PLA2G12A: variants seen among roughly 807,000 people sequenced by gnomAD.
The protein encoded by PLA2G12A is group XIIA secretory phospholipase A2.
Under a neutral mutation model 16.0 loss-of-function variants are expected in PLA2G12A, and 11 were observed. The observed-to-expected ratio is 0.69, with a 90% confidence interval of 0.43 to 1.13. PLA2G12A has a LOEUF of 1.13. PLA2G12A is among the 50% of genes most tolerant of loss of function. The pLI, the probability that PLA2G12A is intolerant of heterozygous loss-of-function variation, is 0.00. For missense variants in PLA2G12A, 214 were observed against 237.3 expected (o/e 0.90, Z 0.65); for synonymous variants, 77 against 93.8 (o/e 0.82, Z 1.03).
chr4:109,718,675 A>G lies in PLA2G12A; in HGVS notation c.285+8T>C, dbSNP rs1357511537. On this transcript the variant is annotated splice_region_variant and intron_variant, in intron 2 of 3. Transcript: ENST00000243501. ...TACAAAACTTATCAAATAAAAGACAATATTTACATGAACACCAAACAGTGG... is the reference window on the plus strand; with the variant it reads ...TACAAAACTTATCAAATAAAAGACAGTATTTACATGAACACCAAACAGTGG... 1.9e-6 allele frequency: 3 copies of G among 1,573,368 alleles called. No homozygotes were observed. The highest frequency in any genetic ancestry group is 2.6e-6 in the Non-Finnish European group (3 of 1,150,612).
chr4:109,723,884 T>C (rs72674863), intron 1 of PLA2G12A, among the ~76,000 whole-genome samples: 78 of 152,334 alleles, frequency 5.1e-4, no homozygotes, highest in Non-Finnish European at 8.4e-4. Flanking sequence ...AAGTATATCA[T>C]CTAAAAAAGT....
In PLA2G12A at chr4:109,717,533, C is replaced by T. The variant is rs766527670; in HGVS notation, c.451+15G>A. On this transcript the variant is annotated intron_variant, in intron 3 of 3. Transcript: ENST00000243501. ...AAAAAGTACACTCATCCCCAAGCCA[C>T]CAGATCATCCTTACCCTGAACATGC... The T allele has an allele frequency of 1.9e-6, 3 of 1,609,880 alleles. No individual in the cohort carries two copies. The highest frequency in any genetic ancestry group is 2.5e-6 in the Non-Finnish European group (3 of 1,176,784).
intron 1 of PLA2G12A, among the ~76,000 whole-genome samples, chr4:109,720,618 T>A (rs1378201908): frequency 5.3e-5 from 5 of 95,156 alleles, no homozygotes; most frequent in African/African-American, 2.4e-4. Flanking sequence ...TATATATATA[T>A]ATATATATAT....
chr4:109,726,193 C>T (rs2126168820), intron 1 of PLA2G12A, among the ~76,000 whole-genome samples: 1 of 152,292 alleles, frequency 6.6e-6, no homozygotes, highest in Non-Finnish European at 1.5e-5. Context: ...CTCACTTACC[C>T]AAGGCTATGA....
In PLA2G12A at chr4:109,720,614, T is replaced by C. The variant is rs1267700892; in HGVS notation, c.209-1855A>G. Among the ~76,000 whole-genome samples, 94 of 38,674 alleles carry C rather than the reference T, an allele frequency of 2.4e-3. 1 individual carries two copies. The highest frequency in any genetic ancestry group is 2.9e-3 in the Admixed American group (9 of 3,092). The allele number at this position is 38,674 out of a possible 152,430, so 25.4% of individuals were successfully genotyped here. A position where few individuals can be genotyped will look rare whatever the true frequency, so the allele number is the denominator to read the frequency against. ...AAAAAAAAAAAAAAAAATATATATA[T>C]ATATATATATATATATATATATATA... On this transcript the variant is annotated intron_variant, in intron 1 of 3. Transcript: ENST00000243501.
At chr4:109,716,808 CA>C (rs1424483859) in intron 3 of PLA2G12A, among the ~76,000 whole-genome samples, 1 of 152,118 alleles carries the variant, frequency 6.6e-6, no homozygotes, top group East Asian at 1.9e-4. Context: ...AACAGAAACC[CA>C]TAAGACAAGT....
chr4:109,725,949 T>A (rs768120676), intron 1 of PLA2G12A, among the ~76,000 whole-genome samples: 1 of 152,202 alleles, frequency 6.6e-6, no homozygotes, highest in Non-Finnish European at 1.5e-5. Flanking sequence ...ATTTTTCTAG[T>A]CTGTTCACTT....
chr4:109,729,621 G>A lies in PLA2G12A; in HGVS notation c.189C>T (p.Cys63=). ...CCTCACCGTCACTGCATTTATACTG[G>A]CAGAGACCGTCCTCGCCTCCCAGGA... The part of the protein sequence containing the change: ...LDLLGGEDGL[C]QYKCSDGSKP... The change falls in exon 1 of 4, where the codon TGC becomes TGT. Residue 63 remains cysteine, a synonymous_variant. Coordinates refer to ENST00000243501, the MANE Select transcript of PLA2G12A (RefSeq NM_030821.5). 1.2e-6 allele frequency: 2 copies of A among 1,611,760 alleles called. No individual in the cohort carries two copies. The highest frequency in any genetic ancestry group is 8.5e-7 in the Non-Finnish European group (1 of 1,179,680).
At chr4:109,720,165 T>C (rs1032401963) in intron 1 of PLA2G12A, among the ~76,000 whole-genome samples, 3 of 152,170 alleles carry the variant, frequency 2.0e-5, no homozygotes, top group Non-Finnish European at 2.9e-5. Flanking sequence ...ATAAGCCAAC[T>C]CCCTATTTTA....
chr4:109,710,626 C>A lies in PLA2G12A; in HGVS notation c.*3751G>T, dbSNP rs978801377. On this transcript the variant is annotated 3_prime_UTR_variant, in exon 4 of 4. Coordinates refer to ENST00000243501, the MANE Select transcript of PLA2G12A (RefSeq NM_030821.5). ...GATTACAGGCATGTGCCACCACACC[C>A]AACTAATTTTTGTATTTTTAGTAGA... 1 of 152,246 alleles carries A rather than the reference C, an allele frequency of 6.6e-6. No individual in the cohort carries two copies. The highest frequency in any genetic ancestry group is 1.9e-4 in the East Asian group (1 of 5,196). The allele number at this position is 152,246 out of a possible 1,614,324, so 9.4% of individuals were successfully genotyped here.
At chr4:109,719,408 TTGA>T (rs2126167105) in intron 1 of PLA2G12A, among the ~76,000 whole-genome samples, 1 of 152,040 alleles carries the variant, frequency 6.6e-6, no homozygotes, top group Admixed American at 6.5e-5. Context: ...GGAGGGATAC[TTGA>T]TGAACTACGG....
rs146008894 is a variant in PLA2G12A, at chr4:109,725,846, C to T, written c.208+3756G>A. On this transcript the variant is annotated intron_variant, in intron 1 of 3. Transcript: ENST00000243501. ...GCTGGGTCACACAAAGGTCTCATGG[C>T]AGAGTTTTGTAAGATTCCAACCTGC... 4.1e-3 allele frequency among the ~76,000 whole-genome samples: 628 copies of T among 152,288 alleles called. 4 individuals carry two copies. Among genetic ancestry groups the T allele is most frequent in the African/African-American group, 0.014 (597 of 41,564 alleles).
At position 109,729,276 on chromosome 4, in the gene PLA2G12A, A is replaced by G. The variant is rs531097376; in HGVS notation, c.208+326T>C. 3.5e-4 allele frequency among the ~76,000 whole-genome samples: 53 copies of G among 151,798 alleles called. 2 individuals are homozygous for G. The South Asian group carries it at 0.011, about 31-fold the overall frequency. On this transcript the variant is annotated intron_variant, in intron 1 of 3. Coordinates refer to ENST00000243501, the MANE Select transcript of PLA2G12A (RefSeq NM_030821.5). Reference sequence around the variant, plus strand: ...AGCTAAAACCAGTCTGTTCCACTCTATTCCCATGATTCCTACGTCAGTAAG... The same window carrying G: ...AGCTAAAACCAGTCTGTTCCACTCTGTTCCCATGATTCCTACGTCAGTAAG...
rs1308008051 is a variant in PLA2G12A, at chr4:109,723,771, CAATA to C, written c.209-5016_209-5013del. Among the ~76,000 whole-genome samples the C allele has an allele frequency of 9.1e-4, 139 of 152,062 alleles. 1 individual carries two copies. The highest frequency in any genetic ancestry group is 6.2e-4 in the South Asian group (3 of 4,822). ...TCAAGTTGTTAATCTGAAAAAAGTA[CAATA>C]AATACACCAGAGAATGTTCAAAAAG... On this transcript the variant is annotated intron_variant, in intron 1 of 3. Coordinates refer to ENST00000243501, the MANE Select transcript of PLA2G12A (RefSeq NM_030821.5).
At chr4:109,727,825 A>G (rs1722972016) in intron 1 of PLA2G12A, among the ~76,000 whole-genome samples, 1 of 152,208 alleles carries the variant, frequency 6.6e-6, no homozygotes, top group African/African-American at 2.4e-5. Flanking sequence ...AAATAAAATA[A>G]AAAGACTAAA....
chr4:109,717,269 C>T (rs1185049093), intron 3 of PLA2G12A, among the ~76,000 whole-genome samples: 2 of 152,184 alleles, frequency 1.3e-5, no homozygotes, highest in African/African-American at 4.8e-5. Flanking sequence ...TACATGATGA[C>T]TGGAGATATA....
chr4:109,714,512 T>C lies in PLA2G12A; in HGVS notation c.452-17A>G, dbSNP rs771347090. ...TTTCACATGCTGCAAAACAAGAAAA[T>C]GGGATTACTGTTGGGCAACTGCATT... On this transcript the variant is annotated splice_polypyrimidine_tract_variant and intron_variant, in intron 3 of 3. Transcript: ENST00000243501. The C allele has an allele frequency of 1.3e-6, 2 of 1,544,814 alleles. No homozygotes were observed. Among genetic ancestry groups the C allele is most frequent in the Non-Finnish European group, 1.8e-6 (2 of 1,117,122 alleles).
chr4:109,727,202 C>T lies in PLA2G12A; in HGVS notation c.208+2400G>A, dbSNP rs186524070. On this transcript the variant is annotated intron_variant, in intron 1 of 3. Coordinates refer to ENST00000243501, the MANE Select transcript of PLA2G12A (RefSeq NM_030821.5). ...CTCGGCTCACTGCAACCTCCACCTC[C>T]CAGGTTCAAGCTATTCTCCTACCTC... is the stretch of plus-strand genomic sequence containing the variant. Among the ~76,000 whole-genome samples the T allele has an allele frequency of 5.9e-5, 9 of 152,102 alleles. No homozygotes were observed. In the East Asian group the frequency reaches 1.7e-3, roughly 29 times the overall value.
At position 109,727,502 on chromosome 4, in the gene PLA2G12A, G is replaced by A. The variant is rs529704372; in HGVS notation, c.208+2100C>T. Among the ~76,000 whole-genome samples the A allele has an allele frequency of 5.9e-5, 9 of 152,134 alleles. No individual in the cohort carries two copies. The East Asian group carries it at 1.5e-3, about 26-fold the overall frequency. ...CCGTTAAACGTAGAGTACTTACTAA[G>A]ACAAAAAATTTTTTTTCACTGAGGC... On this transcript the variant is annotated intron_variant, in intron 1 of 3. Transcript: ENST00000243501.
Sources: gnomAD v4.1 joint callset for allele counts (sites outside exome capture counted in the v4.1 genomes callset) on GRCh38, gnomAD v4.1.1 for gene constraint, MANE v1.5 for transcripts, NCBI Gene and HGNC (gene_info 2026-07-23, HGNC 2026-07-21) for gene names.